The following TMEM268 variants were observed in gnomAD, a reference collection of about 807,000 sequenced individuals.
The protein encoded by TMEM268 is transmembrane protein C9orf91.
Under a neutral mutation model 39.1 loss-of-function variants are expected in TMEM268, and 24 were observed. That is an observed-to-expected ratio of 0.61 (90% confidence interval 0.44 to 0.86). The LOEUF (loss-of-function observed/expected upper bound fraction) is 0.86, where lower values mean the gene tolerates loss of function less well. TMEM268 is among the 40% of genes least tolerant of loss of function. TMEM268 has a pLI of 0.00. For synonymous variants in TMEM268, 176 were observed against 173.5 expected (o/e 1.01, Z -0.12); for missense variants, 409 against 428.6 (o/e 0.95, Z 0.40).
At chr9:114,642,299 C>T (rs1038801145) in intron 8 of TMEM268, among the ~76,000 whole-genome samples, 5 of 152,132 alleles carry the variant, frequency 3.3e-5, no homozygotes, top group African/African-American at 1.2e-4. Flanking sequence ...AGTACATGTC[C>T]TTTTGTGATA....
chr9:114,633,412 G>A (rs144358781), intron 5 of TMEM268, among the ~76,000 whole-genome samples: 1,617 of 152,042 alleles, frequency 0.011, 12 homozygotes, highest in Non-Finnish European at 0.018. Context: ...CACCTGCCTC[G>A]GCCTCCCAAA....
chr9:114,607,559 G>A (rs187437569), upstream of TMEM268, among the ~76,000 whole-genome samples: 512 of 152,316 alleles, frequency 3.4e-3, 4 homozygotes, highest in African/African-American at 0.012. Context: ...GGAGGCTGAG[G>A]TGGGAGGATC....
chr9:114,610,832 A>G (rs774500226), upstream of TMEM268, among the ~76,000 whole-genome samples: 3 of 152,232 alleles, frequency 2.0e-5, no homozygotes, highest in Non-Finnish European at 4.4e-5. Flanking sequence ...AATTTACCAA[A>G]GACGATAATA....
At chr9:114,616,224 C>T (rs1258943936) in intron 1 of TMEM268, among the ~76,000 whole-genome samples, 1 of 151,082 alleles carries the variant, frequency 6.6e-6, no homozygotes, top group South Asian at 2.1e-4. Context: ...CCCATGTTAG[C>T]CAGGATGGTC....
At chr9:114,632,077 G>A (rs1564295721) in intron 5 of TMEM268, among the ~76,000 whole-genome samples, 1 of 142,008 alleles carries the variant, frequency 7.0e-6, no homozygotes, top group Non-Finnish European at 1.5e-5. Flanking sequence ...CAACCTGGGT[G>A]ACAGAGCGAG....
intron 6 of TMEM268, among the ~76,000 whole-genome samples, chr9:114,635,025 A>G (rs1846568877): frequency 6.6e-6 from 1 of 152,068 alleles, no homozygotes; most frequent in South Asian, 2.1e-4. Context: ...CATGTGTTAG[A>G]TGAATGCACG....
intron 7 of TMEM268, among the ~76,000 whole-genome samples, chr9:114,637,902 C>G (rs561549546): frequency 3.9e-4 from 59 of 152,326 alleles, no homozygotes; most frequent in Non-Finnish European, 6.0e-4. Context: ...AGAGTTGTGA[C>G]TTAGCCCTGA....
chr9:114,604,648 T>C, the TMEM268 span, among the ~76,000 whole-genome samples: 2 of 148,894 alleles, frequency 1.3e-5, no homozygotes, highest in African/African-American at 5.0e-5. Context: ...AACCTTGTGG[T>C]AACATCTCAC....
At position 114,638,684 on chromosome 9, in the gene TMEM268, G is replaced by T. The variant is rs765147147; in HGVS notation, c.807G>T (p.Met269Ile). The T allele has an allele frequency of 1.9e-6, 3 of 1,603,036 alleles. No individual in the cohort carries two copies. In the South Asian group the frequency reaches 3.4e-5, roughly 18 times the overall value. The change falls in exon 8 of 9, where the codon ATG (methionine) becomes ATT (isoleucine). Residue 269 changes from methionine to isoleucine, a missense_variant. By Grantham distance (10) the Met-to-Ile change is conservative. Coordinates refer to ENST00000288502, the MANE Select transcript of TMEM268 (RefSeq NM_153045.4). ...CTTGTCCTAACGAGAGGCCACTCAT[G>T]CAGACTGAGCTTCATCAGCTTGTTC... is the stretch of plus-strand genomic sequence containing the variant. ...GNSCPNERPL[M>I]QTELHQLVPE...
upstream of TMEM268, among the ~76,000 whole-genome samples, chr9:114,608,791 T>G (rs1845400008): frequency 2.0e-5 from 3 of 152,334 alleles, no homozygotes; most frequent in South Asian, 6.2e-4. Context: ...TAGCAGGTAC[T>G]GAATGTCCAT....
Position 114,637,067 on chromosome 9 carries a change from A to G in TMEM268, c.663A>G (p.Gln221=). 6.2e-7 allele frequency: 1 copy of G among 1,602,298 alleles called. No homozygotes were observed. The highest frequency in any genetic ancestry group is 8.6e-7 in the Non-Finnish European group (1 of 1,169,418). ...SDHVQEMKTS[Q]ESLLRSRLSQ... is the part of the protein sequence containing the mutation. ...ATGTTCAAGAAATGAAGACTAGCCA[A>G]GAGGTAAGATATCTTCAGTGAAAAA... is the stretch of plus-strand genomic sequence containing the variant. Residue 221 remains glutamine, a synonymous_variant, in exon 7 of 9, where the codon CAA becomes CAG. Coordinates refer to ENST00000288502, the MANE Select transcript of TMEM268 (RefSeq NM_153045.4).
intron 6 of TMEM268, among the ~76,000 whole-genome samples, chr9:114,635,331 C>T (rs1440440071): frequency 6.7e-6 from 1 of 148,768 alleles, no homozygotes; most frequent in Non-Finnish European, 1.5e-5. Flanking sequence ...GCCTGGGCAA[C>T]AGAGCGAGAC....
intron 4 of TMEM268, among the ~76,000 whole-genome samples, 163 bp from the exon 5 acceptor site, chr9:114,627,938 C>A (rs998899292): frequency 6.6e-6 from 1 of 152,210 alleles, no homozygotes; most frequent in African/African-American, 2.4e-5. Context: ...AACATTAGCT[C>A]ATTCTCACAG....
At position 114,636,983 on chromosome 9, in the gene TMEM268, C is replaced by G. The variant is rs41278669; in HGVS notation, c.586-7C>G. 3.7e-5 allele frequency: 60 copies of G among 1,609,454 alleles called. No homozygotes were observed. The highest frequency in any genetic ancestry group is 5.0e-5 in the Non-Finnish European group (59 of 1,176,280). The stretch of plus-strand genomic sequence containing the variant: ...GCCACGGTGGTCACTGCTGCTTCTC[C>G]CCACAGCTTTGGTTTGTCTACTTCG... On this transcript the variant is annotated splice_polypyrimidine_tract_variant and splice_region_variant and intron_variant, in intron 6 of 8. Transcript: ENST00000288502.
intron 1 of TMEM268, among the ~76,000 whole-genome samples, chr9:114,613,694 C>T (rs975913504): frequency 3.3e-5 from 5 of 152,230 alleles, no homozygotes; most frequent in African/African-American, 1.2e-4. Flanking sequence ...GGCTGACTTG[C>T]ATTTGTTGCT....
upstream of TMEM268, among the ~76,000 whole-genome samples, chr9:114,610,909 A>G (rs532274449): frequency 6.6e-6 from 1 of 152,340 alleles, no homozygotes; most frequent in South Asian, 2.1e-4. Context: ...AATACAGCAC[A>G]TACACAATTT....
Position 114,637,062 on chromosome 9 carries a change from A to G in TMEM268, c.658A>G (p.Ser220Gly). ...LSDHVQEMKT[S>G]QESLLRSRLS... ...TGATCATGTTCAAGAAATGAAGACT[A>G]GCCAAGAGGTAAGATATCTTCAGTG... is the stretch of plus-strand genomic sequence containing the variant. Residue 220 changes from serine to glycine, a missense_variant, in exon 7 of 9, where the codon AGC becomes GGC. Transcript: ENST00000288502. 6.2e-7 allele frequency: 1 copy of G among 1,605,710 alleles called. No homozygotes were observed. The highest frequency in any genetic ancestry group is 8.5e-7 in the Non-Finnish European group (1 of 1,172,454).
In TMEM268 at chr9:114,646,267, C is replaced by T. The variant is rs928146629; in HGVS notation, c.*2954C>T. 2.0e-5 allele frequency: 3 copies of T among 152,144 alleles called. No individual in the cohort carries two copies. Among genetic ancestry groups the T allele is most frequent in the African/African-American group, 4.8e-5 (2 of 41,436 alleles). The allele number at this position is 152,144 out of a possible 1,614,324, so 9.4% of individuals were successfully genotyped here. ...TCTTCCACTTAAAAACAATGTTCTT[C>T]CTCTCATTGAGTCTCATTCCTCATC... On this transcript the variant is annotated 3_prime_UTR_variant, in exon 9 of 9. Coordinates refer to ENST00000288502, the MANE Select transcript of TMEM268 (RefSeq NM_153045.4).
chr9:114,636,540 A>G (rs1468466335), intron 6 of TMEM268, among the ~76,000 whole-genome samples: 3 of 149,100 alleles, frequency 2.0e-5, no homozygotes, highest in Admixed American at 7.1e-5. Flanking sequence ...TTTCTCTGTC[A>G]CCCAGGCTGG....
Sources: gnomAD v4.1 joint callset for allele counts (sites outside exome capture counted in the v4.1 genomes callset) on GRCh38, gnomAD v4.1.1 for gene constraint, MANE v1.5 for transcripts, NCBI Gene and HGNC (gene_info 2026-07-23, HGNC 2026-07-21) for gene names.